Variants in SNX30 observed in about 807,000 individuals in gnomAD.
The protein encoded by SNX30 is sorting nexin family member 30, also known as sorting nexin-30.
SNX30 carries 24 observed loss-of-function variants against 46.4 expected under a neutral mutation model. That is an observed-to-expected ratio of 0.52 (90% confidence interval 0.37 to 0.73). SNX30 has a LOEUF of 0.73. Ranked by LOEUF, SNX30 falls within the 30% of genes least tolerant of loss-of-function variation. The probability of loss-of-function intolerance (pLI) is 0.00; values close to 1 mark genes in which losing one functional copy is unlikely to be tolerated. For missense variants in SNX30, 533 were observed against 555.7 expected, an observed-to-expected ratio of 0.96 and a Z score of 0.41; for synonymous variants, 189 against 211.5, an observed-to-expected ratio of 0.89 and a Z score of 0.92.
At chr9:112,829,434 G>C (rs144158254) in intron 3 of SNX30, among the ~76,000 whole-genome samples, 8 of 152,238 alleles carry the variant, frequency 5.3e-5, no homozygotes, top group African/African-American at 1.7e-4. Flanking sequence ...ACCATGCCCA[G>C]CTAATTGTTT....
chr9:112,774,331 T>C (rs1232329942), intron 1 of SNX30, among the ~76,000 whole-genome samples: 1 of 152,104 alleles, frequency 6.6e-6, no homozygotes, highest in African/African-American at 2.4e-5. Context: ...AAAAAGAAGA[T>C]TCAAATTACT....
At chr9:112,832,495 T>TGAGAGAGAGA (rs142505240) in intron 4 of SNX30, among the ~76,000 whole-genome samples, 1 of 135,406 alleles carries the variant, frequency 7.4e-6, no homozygotes, top group African/African-American at 2.9e-5. Flanking sequence ...TGTGTGTGTG[T>TGAGAGAGAGA]GAGAGAGAGA....
downstream of SNX30, chr9:112,877,272 C>T (rs773328645): frequency 2.6e-5 from 4 of 152,142 alleles, no homozygotes; most frequent in Non-Finnish European, 5.9e-5. Context: ...GAGCTCAGCT[C>T]AGGTTAAAAA....
chr9:112,883,914 C>T (rs1841613942), downstream of SNX30, among the ~76,000 whole-genome samples: 1 of 152,156 alleles, frequency 6.6e-6, no homozygotes, highest in Admixed American at 6.5e-5. Context: ...CCAGGCTGGT[C>T]TCAAACTCCT....
At chr9:112,867,443 ACTC>A (rs1841378632) in intron 8 of SNX30, among the ~76,000 whole-genome samples, 1 of 125,912 alleles carries the variant, frequency 7.9e-6, no homozygotes. Flanking sequence ...CTTCCTCAGA[ACTC>A]CTCCTCCATC....
chr9:112,783,307 T>A (rs1839874107), intron 1 of SNX30, among the ~76,000 whole-genome samples: 1 of 152,198 alleles, frequency 6.6e-6, no homozygotes, highest in Admixed American at 6.5e-5. Flanking sequence ...TCTTTTAACT[T>A]TCCTGGTCTG....
intron 3 of SNX30, among the ~76,000 whole-genome samples, chr9:112,824,005 A>T (rs1840543963): frequency 1.3e-5 from 2 of 152,368 alleles, no homozygotes; most frequent in Non-Finnish European, 2.9e-5. Flanking sequence ...AGGGTAGGAG[A>T]AATAGGCCTC....
chr9:112,755,489 G>A (rs1157198751), intron 1 of SNX30, among the ~76,000 whole-genome samples: 2 of 151,990 alleles, frequency 1.3e-5, no homozygotes, highest in Admixed American at 6.6e-5. Flanking sequence ...AGGGCCATGG[G>A]GTGGGAAGTT....
At chr9:112,766,692 CTG>C (rs1839542665) in intron 1 of SNX30, among the ~76,000 whole-genome samples, 1 of 152,208 alleles carries the variant, frequency 6.6e-6, no homozygotes. Flanking sequence ...TAGATTCCTC[CTG>C]TAAATAGAAT....
chr9:112,827,777 G>T (rs1044817365), intron 3 of SNX30, among the ~76,000 whole-genome samples: 1 of 152,200 alleles, frequency 6.6e-6, no homozygotes. Flanking sequence ...TGTGTTTAAT[G>T]TCTTACTTTG....
chr9:112,833,655 T>C (rs1472551144), intron 4 of SNX30, among the ~76,000 whole-genome samples: 1 of 152,132 alleles, frequency 6.6e-6, no homozygotes, highest in East Asian at 1.9e-4. Flanking sequence ...GTAAATTAAC[T>C]TGGTTAACGG....
intron 3 of SNX30, among the ~76,000 whole-genome samples, chr9:112,821,904 A>G (rs1840504771): frequency 6.6e-6 from 1 of 151,364 alleles, no homozygotes; most frequent in Non-Finnish European, 1.5e-5. Context: ...CGATTCTCCC[A>G]CCTCAACCTC....
chr9:112,829,392 C>T (rs1006002337), intron 3 of SNX30, among the ~76,000 whole-genome samples: 8 of 152,218 alleles, frequency 5.3e-5, no homozygotes, highest in African/African-American at 1.9e-4. Context: ...CCACCTCAGC[C>T]TCCTGAATAG....
At chr9:112,836,166 C>T (rs1194641513) in intron 4 of SNX30, 48 bp from the exon 5 acceptor site, 5 of 1,516,932 alleles carry the variant, frequency 3.3e-6, no homozygotes, top group Non-Finnish European at 4.5e-6. Flanking sequence ...TTAGTCCTGC[C>T]CATGTGAGTG....
chr9:112,884,239 C>T (rs1033026144), downstream of SNX30, among the ~76,000 whole-genome samples: 1 of 152,224 alleles, frequency 6.6e-6, no homozygotes, highest in South Asian at 2.1e-4. Flanking sequence ...CTCCTGGCAT[C>T]GAGGAAGGGG....
At chr9:112,772,650 T>C (rs1180441480) in intron 1 of SNX30, among the ~76,000 whole-genome samples, 1 of 152,204 alleles carries the variant, frequency 6.6e-6, no homozygotes, top group African/African-American at 2.4e-5. Context: ...TCTTAGATTT[T>C]GCTGTACCCA....
chr9:112,797,479 C>G (rs1840124712), intron 1 of SNX30, among the ~76,000 whole-genome samples: 1 of 151,868 alleles, frequency 6.6e-6, no homozygotes, highest in African/African-American at 2.4e-5. Context: ...GAAGCAAATG[C>G]CATTTTATTT....
chr9:112,778,896 G>T (rs971079497), intron 1 of SNX30, among the ~76,000 whole-genome samples: 3 of 152,082 alleles, frequency 2.0e-5, no homozygotes, highest in Non-Finnish European at 4.4e-5. Flanking sequence ...GAACTTGGGG[G>T]GGGGGGATTT....
chr9:112,751,204 T>TG (rs538528951), intron 1 of SNX30, 47 bp downstream of exon 1: 64 of 1,362,318 alleles, frequency 4.7e-5, no homozygotes, highest in Middle Eastern at 2.2e-4. Context: ...TCGCTCCCCG[T>TG]GGGGGGGATG....
Sources: gnomAD v4.1 joint callset for allele counts (sites outside exome capture counted in the v4.1 genomes callset) on GRCh38, gnomAD v4.1.1 for gene constraint, MANE v1.5 for transcripts, NCBI Gene and HGNC (gene_info 2026-07-23, HGNC 2026-07-21) for gene names.